EVI5: variants seen among roughly 807,000 people sequenced by gnomAD.
EVI5 encodes the protein ecotropic viral integration site 5, also known as ecotropic viral integration site 5 protein homolog.
A neutral mutation model predicts 112.0 loss-of-function variants in EVI5; 73 were observed. The observed-to-expected ratio is 0.65, with a 90% CI of 0.54 to 0.79. The LOEUF is 0.79. EVI5 is among the 30% of genes least tolerant of loss of function. The pLI is 0.00. For synonymous variants in EVI5, 305 were observed against 319.9 expected (o/e 0.95, Z 0.50); for missense variants, 900 against 968.8 (o/e 0.93, Z 0.94).
chr1:92,720,340 A>G (rs865873689), intron 2 of EVI5, among the ~76,000 whole-genome samples: 10 of 152,028 alleles, frequency 6.6e-5, no homozygotes, highest in Admixed American at 1.3e-4. Flanking sequence ...ATAGACCAAT[A>G]GAACAGAACA....
chr1:92,543,071 C>T (rs1254820512), intron 19 of EVI5, among the ~76,000 whole-genome samples: 3 of 152,144 alleles, frequency 2.0e-5, no homozygotes, highest in African/African-American at 4.8e-5. Context: ...TAGGCCCTAA[C>T]GAGAGAGCCA....
At chr1:92,586,572 A>C (rs974243195) in intron 18 of EVI5, among the ~76,000 whole-genome samples, 14 of 119,582 alleles carry the variant, frequency 1.2e-4, no homozygotes, top group African/African-American at 2.9e-4. Flanking sequence ...CCTTCAACAC[A>C]CTCCAATTAA....
At chr1:92,605,486 C>T in intron 17 of EVI5, 84 bp from the exon 18 acceptor site, 1 of 902,980 alleles carries the variant, frequency 1.1e-6, no homozygotes, top group Non-Finnish European at 1.8e-6. Context: ...TTGCATAAAC[C>T]ATACGTTAAG....
rs1204191176 is a variant in EVI5 at position 92,703,316 on chromosome 1, A to C, written c.564+79T>G. 9.3e-6 allele frequency: 8 copies of C among 858,988 alleles called. No individual in the cohort carries two copies. The Admixed American group carries it at 2.2e-4, about 24-fold the overall frequency. The allele number at this position is 858,988 out of a possible 1,614,324, so 53.2% of individuals were successfully genotyped here. On this transcript the variant is annotated intron_variant, in intron 4 of 19. Transcript: ENST00000684568. ...CAACTGATTATTGTGGTGGGAGGTC[A>C]TGCTTCATCATGAAAAATGTATAAT...
chr1:92,631,624 A>G (rs1657127134), intron 14 of EVI5, among the ~76,000 whole-genome samples: 1 of 152,168 alleles, frequency 6.6e-6, no homozygotes, highest in African/African-American at 2.4e-5. Flanking sequence ...TGTCATCTGC[A>G]AACAGGGACA....
intron 6 of EVI5, 121 bp from the exon 7 acceptor site, chr1:92,695,574 T>C (rs759243091): frequency 3.1e-5 from 17 of 556,572 alleles, no homozygotes; most frequent in Non-Finnish European, 4.4e-5. Context: ...ATGGAAAAGG[T>C]AAGACATAGA....
At chr1:92,588,415 C>T (rs1442447794) in intron 18 of EVI5, among the ~76,000 whole-genome samples, 1 of 152,194 alleles carries the variant, frequency 6.6e-6, no homozygotes, top group Admixed American at 6.5e-5. Context: ...TACTATTCTC[C>T]TAGTAAGTAG....
At chr1:92,731,085 A>C (rs908078069) in intron 2 of EVI5, among the ~76,000 whole-genome samples, 1 of 152,362 alleles carries the variant, frequency 6.6e-6, no homozygotes, top group South Asian at 2.1e-4. Context: ...GCACTTTGGG[A>C]GGCCGAGGTA....
chr1:92,757,668 A>G (rs561306973), intron 1 of EVI5, among the ~76,000 whole-genome samples: 1 of 152,058 alleles, frequency 6.6e-6, no homozygotes, highest in South Asian at 2.1e-4. Context: ...TTGGGAGGCC[A>G]AAGTGGGTGG....
chr1:92,514,624 A>G (rs1487090073), intron 19 of EVI5, among the ~76,000 whole-genome samples: 1 of 152,216 alleles, frequency 6.6e-6, no homozygotes, highest in East Asian at 1.9e-4. Flanking sequence ...ATTATACTAG[A>G]GATAATATAA....
intron 2 of EVI5, among the ~76,000 whole-genome samples, chr1:92,717,414 T>C (rs2102663671): frequency 6.6e-6 from 1 of 152,294 alleles, no homozygotes; most frequent in East Asian, 1.9e-4. Flanking sequence ...AAAAGAATTT[T>C]CAACACAGAA....
intron 16 of EVI5, among the ~76,000 whole-genome samples, chr1:92,610,414 T>G (rs1458932758): frequency 2.0e-5 from 3 of 152,114 alleles, no homozygotes; most frequent in Non-Finnish European, 2.9e-5. Context: ...AACATTATGG[T>G]TGATAAATAA....
chr1:92,727,828 C>A (rs1164232366), intron 2 of EVI5, among the ~76,000 whole-genome samples: 1 of 151,714 alleles, frequency 6.6e-6, no homozygotes, highest in Non-Finnish European at 1.5e-5. Flanking sequence ...ACAGCCTGGG[C>A]AACATAGTGG....
intron 16 of EVI5, among the ~76,000 whole-genome samples, chr1:92,613,473 AT>A (rs1652349626): frequency 6.6e-6 from 1 of 151,830 alleles, no homozygotes; most frequent in Admixed American, 6.6e-5. Context: ...TAATTTTTGT[AT>A]TTTTAGTAGA....
chr1:92,647,756 G>C (rs916655820), intron 13 of EVI5: 5 of 177,626 alleles, frequency 2.8e-5, no homozygotes, highest in Non-Finnish European at 4.8e-5. Flanking sequence ...GAGGGGGTGG[G>C]GGGTATAGAA....
chr1:92,679,050 C>T lies in EVI5; in HGVS notation c.1098-1832G>A, dbSNP rs181369246. 5.3e-5 allele frequency among the ~76,000 whole-genome samples: 8 copies of T among 152,252 alleles called. No individual in the cohort carries two copies. In the East Asian group the frequency reaches 7.7e-4, roughly 15 times the overall value. On this transcript the variant is annotated intron_variant, in intron 9 of 19. Transcript: ENST00000684568. ...ACTGGGTCATACAGCAGGAGGTGAA[C>T]GGCAGGCAAGTGAACATCACTGCCT...
At chr1:92,612,829 C>A (rs1652179491) in intron 16 of EVI5, among the ~76,000 whole-genome samples, 1 of 151,058 alleles carries the variant, frequency 6.6e-6, no homozygotes, top group Admixed American at 6.6e-5. Flanking sequence ...GATACGGCCA[C>A]AAGCTAAGAA....
chr1:92,785,103 G>A lies in EVI5; in HGVS notation c.-349C>T, dbSNP rs374902661. 11 of 985,494 alleles carry A rather than the reference G, an allele frequency of 1.1e-5. No individual in the cohort carries two copies. The East Asian group carries it at 8.0e-4, about 71-fold the overall frequency. The allele number at this position is 985,494 out of a possible 1,614,324, so 61.0% of individuals were successfully genotyped here. On this transcript the variant is annotated 5_prime_UTR_variant, in exon 1 of 20. Transcript: ENST00000684568. Reference sequence around the variant, plus strand: ...GGGGTCCGGCCCGGCCGCGTCAGGAGAGCCCAAGGCGCAGGCGCGGGAGGG... The same window carrying A: ...GGGGTCCGGCCCGGCCGCGTCAGGAAAGCCCAAGGCGCAGGCGCGGGAGGG...
chr1:92,543,635 T>A (rs756456692), intron 19 of EVI5, among the ~76,000 whole-genome samples: 1 of 152,196 alleles, frequency 6.6e-6, no homozygotes, highest in Non-Finnish European at 1.5e-5. Context: ...GCTTTCAACA[T>A]GCCTGCCTCA....
Sources: gnomAD v4.1 joint callset for allele counts (sites outside exome capture counted in the v4.1 genomes callset) on GRCh38, gnomAD v4.1.1 for gene constraint, MANE v1.5 for transcripts, NCBI Gene and HGNC (gene_info 2026-07-23, HGNC 2026-07-21) for gene names.